The following SLC44A5 variants were observed in gnomAD, a reference collection of about 807,000 sequenced individuals.
SLC44A5 encodes solute carrier family 44 member 5.
Under a neutral mutation model 101.8 loss-of-function variants are expected in SLC44A5, and 57 were observed. That is an observed-to-expected ratio of 0.56 (90% CI 0.45 to 0.70). SLC44A5 has a LOEUF of 0.70. Ranked by LOEUF, SLC44A5 falls within the 30% of genes least tolerant of loss-of-function variation. The probability of loss-of-function intolerance (pLI) is 0.00; values close to 1 mark genes in which losing one functional copy is unlikely to be tolerated. For missense variants in SLC44A5, 737 were observed against 853.1 expected, an observed-to-expected ratio of 0.86 and a Z score of 1.70; for synonymous variants, 281 against 290.9, an observed-to-expected ratio of 0.97 and a Z score of 0.35.
intron 5 of SLC44A5, among the ~76,000 whole-genome samples, chr1:75,275,560 G>T (rs1366304322): frequency 6.6e-6 from 1 of 152,076 alleles, no homozygotes; most frequent in African/African-American, 2.4e-5. Context: ...AATAGCAACT[G>T]CAGAGGCAAT....
chr1:75,503,438 T>G lies in SLC44A5; in HGVS notation c.13+37997A>C, dbSNP rs1035027397. On this transcript the variant is annotated intron_variant, in intron 2 of 23. Transcript: ENST00000370859. ...GTGTGTAACACTTCCCCCTTTGCTC[T>G]CTCTCTCCTGCAGCCATGCGAAGAC... Among the ~76,000 whole-genome samples the G allele has an allele frequency of 7.2e-5, 11 of 152,216 alleles. No homozygotes were observed. In the South Asian group the frequency reaches 2.3e-3, roughly 32 times the overall value.
chr1:75,595,702 C>T (rs1674593807), intron 1 of SLC44A5, among the ~76,000 whole-genome samples: 1 of 152,128 alleles, frequency 6.6e-6, no homozygotes, highest in Non-Finnish European at 1.5e-5. Context: ...CATCTTAAAA[C>T]TCATTCATAT....
At chr1:75,601,380 T>TG in intron 1 of SLC44A5, among the ~76,000 whole-genome samples, 1 of 1,588 alleles carries the variant, frequency 6.3e-4, no homozygotes, top group African/African-American at 4.4e-3. Flanking sequence ...TGTCGGGGGC[T>TG]GGGGGGCTGG....
At chr1:75,512,261 A>G (rs567513676) in intron 2 of SLC44A5, among the ~76,000 whole-genome samples, 83 of 152,350 alleles carry the variant, frequency 5.4e-4, no homozygotes, top group African/African-American at 1.5e-3. Flanking sequence ...AGTTCAATAA[A>G]GAGTACTAAA....
In SLC44A5 at chr1:75,203,736, C is replaced by A; in HGVS notation, c.2145G>T (p.Arg715Ser). 6.5e-7 allele frequency: 1 copy of A among 1,548,694 alleles called. No homozygotes were observed. The change falls in exon 24 of 24, where the codon AGG becomes AGT. Residue 715 changes from arginine to serine, a missense_variant. Arg to Ser is a moderately radical substitution (Grantham distance 110, BLOSUM62 -1). This residue lies in a region of SLC44A5 where 61 missense variants were observed against 56.5 expected (regional missense o/e 1.08). Transcript: ENST00000370859. ...KIFQEENPQT[R>S]KQ ...CGACCAGTTTGCTCTTCTACTGCTT[C>A]CTAGTTTGTGGATTTTCCTCCTGGA...
At chr1:75,478,238 A>T (rs1667564864) in intron 2 of SLC44A5, among the ~76,000 whole-genome samples, 1 of 152,180 alleles carries the variant, frequency 6.6e-6, no homozygotes, top group East Asian at 1.9e-4. Context: ...GCCCTAAAAG[A>T]GCTCCTGAAG....
chr1:75,205,414 C>T (rs1646733345), intron 23 of SLC44A5: 2 of 152,182 alleles, frequency 1.3e-5, no homozygotes, highest in Admixed American at 1.3e-4. Context: ...TGCATTTTTA[C>T]ATGGTTAACC....
At chr1:75,498,966 C>A (rs933518196) in intron 2 of SLC44A5, among the ~76,000 whole-genome samples, 1 of 152,086 alleles carries the variant, frequency 6.6e-6, no homozygotes, top group Non-Finnish European at 1.5e-5. Context: ...GAAGGAGGTC[C>A]CATAAGATTC....
At chr1:75,534,250 G>A (rs912906742) in intron 2 of SLC44A5, among the ~76,000 whole-genome samples, 2 of 151,896 alleles carry the variant, frequency 1.3e-5, no homozygotes, top group Admixed American at 6.6e-5. Context: ...TAAAGTCGTC[G>A]GAATCAAAAT....
At chr1:75,692,201 T>G in the SLC44A5 span, among the ~76,000 whole-genome samples, 1 of 137,838 alleles carries the variant, frequency 7.3e-6, no homozygotes, top group African/African-American at 2.9e-5. Context: ...TTTTTTTTTT[T>G]TTTTTTTTCT....
intron 22 of SLC44A5, among the ~76,000 whole-genome samples, chr1:75,211,828 C>CTT (rs1203407389): frequency 6.8e-6 from 1 of 146,026 alleles, no homozygotes; most frequent in South Asian, 2.2e-4. Context: ...CTTTTCTTTT[C>CTT]TTTTCTTTTT....
At chr1:75,215,529 T>G (rs1646943427) in intron 19 of SLC44A5, among the ~76,000 whole-genome samples, 1 of 152,072 alleles carries the variant, frequency 6.6e-6, no homozygotes, top group African/African-American at 2.4e-5. Flanking sequence ...GTGTAATATT[T>G]TTTTCTCTCA....
At chr1:75,221,636 T>C (rs1647083323) in intron 14 of SLC44A5, among the ~76,000 whole-genome samples, 1 of 152,154 alleles carries the variant, frequency 6.6e-6, no homozygotes, top group Admixed American at 6.5e-5. Flanking sequence ...AGAATTATGG[T>C]GATTTAAAGT....
At chr1:75,354,476 T>G (rs543670504) in intron 3 of SLC44A5, among the ~76,000 whole-genome samples, 1 of 152,298 alleles carries the variant, frequency 6.6e-6, no homozygotes, top group African/African-American at 2.4e-5. Context: ...CTTGATACAC[T>G]GTTTCCTTTC....
intron 2 of SLC44A5, among the ~76,000 whole-genome samples, chr1:75,399,872 A>G (rs962967133): frequency 5.3e-5 from 8 of 152,328 alleles, no homozygotes; most frequent in Admixed American, 2.0e-4. Context: ...ACAAAAAAAT[A>G]CCTGCACTCA....
chr1:75,669,791 T>C, the SLC44A5 span, among the ~76,000 whole-genome samples: 2 of 152,286 alleles, frequency 1.3e-5, no homozygotes, highest in African/African-American at 4.8e-5. Context: ...CTTCACAGTC[T>C]TGAGGACAGA....
intron 19 of SLC44A5, 89 bp downstream of exon 19, chr1:75,215,665 A>C (rs1646946009): frequency 1.4e-6 from 1 of 715,706 alleles, no homozygotes; most frequent in Non-Finnish European, 2.5e-6. Flanking sequence ...CAACTGCATG[A>C]AGTAAAAGTA....
At chr1:75,658,435 A>G in the SLC44A5 span, among the ~76,000 whole-genome samples, 2 of 152,140 alleles carry the variant, frequency 1.3e-5, no homozygotes, top group Admixed American at 6.6e-5. Context: ...ATCTTTTCTG[A>G]CCACAATTAA....
At chr1:75,443,469 T>C (rs897220823) in intron 2 of SLC44A5, among the ~76,000 whole-genome samples, 5 of 151,984 alleles carry the variant, frequency 3.3e-5, no homozygotes, top group Admixed American at 1.3e-4. Context: ...AACAACTTTA[T>C]GCCAATATTT....
Sources: gnomAD v4.1 joint callset for allele counts (sites outside exome capture counted in the v4.1 genomes callset) on GRCh38, gnomAD v4.1.1 for gene constraint, gnomAD v4.1.1 regional missense constraint, MANE v1.5 for transcripts, NCBI Gene and HGNC (gene_info 2026-07-23, HGNC 2026-07-21) for gene names.